The following WHRN variants were observed in gnomAD, a reference collection of about 807,000 sequenced individuals.
WHRN encodes the protein whirlin, also known as CASK-interacting protein CIP98.
Under a neutral mutation model 68.3 loss-of-function variants are expected in WHRN, and 41 were observed. The ratio of observed to expected loss-of-function variants is 0.60; its 90% CI spans 0.47 to 0.78. The LOEUF (loss-of-function observed/expected upper bound fraction) is 0.78. Ranked by LOEUF, WHRN falls within the 30% of genes least tolerant of loss-of-function variation. WHRN has a pLI of 0.00. For missense variants in WHRN, 1,243 were observed against 1,244.7 expected (o/e 1.00, Z 0.02); for synonymous variants, 560 against 561.3 (o/e 1.00, Z 0.03).
chr9:114,471,254 C>T (rs1444809613), intron 2 of WHRN, among the ~76,000 whole-genome samples: 1 of 152,192 alleles, frequency 6.6e-6, no homozygotes, highest in East Asian at 1.9e-4. Flanking sequence ...TGTACTGTTT[C>T]CTATGTCCCA....
At chr9:114,486,864 G>A (rs543030131) in intron 1 of WHRN, among the ~76,000 whole-genome samples, 11 of 118,452 alleles carry the variant, frequency 9.3e-5, no homozygotes, top group Non-Finnish European at 1.5e-4. Flanking sequence ...TATCTCACAG[G>A]GTAGTTCTGA....
intron 3 of WHRN, among the ~76,000 whole-genome samples, chr9:114,437,720 C>G (rs1837988823): frequency 6.6e-6 from 1 of 152,218 alleles, no homozygotes; most frequent in South Asian, 2.1e-4. Flanking sequence ...AACTGGCCAA[C>G]ACGTTGACCC....
At chr9:114,464,671 T>C (rs961086121) in intron 3 of WHRN, among the ~76,000 whole-genome samples, 2 of 152,290 alleles carry the variant, frequency 1.3e-5, no homozygotes, top group Admixed American at 6.5e-5. Flanking sequence ...CCCCATTTGA[T>C]CTTTGCAATA....
At chr9:114,439,348 A>G (rs1838168671) in intron 3 of WHRN, among the ~76,000 whole-genome samples, 1 of 152,258 alleles carries the variant, frequency 6.6e-6, no homozygotes, top group African/African-American at 2.4e-5. Context: ...CAAGTAACAG[A>G]CTGCTTTGAC....
intron 1 of WHRN, chr9:114,491,571 G>T: frequency 5.3e-6 from 1 of 188,212 alleles, no homozygotes; most frequent in East Asian, 1.1e-4. Flanking sequence ...CATGACCTGT[G>T]GTAACCAGCA....
chr9:114,454,203 TAA>T (rs1839578731), intron 3 of WHRN, among the ~76,000 whole-genome samples: 1 of 152,110 alleles, frequency 6.6e-6, no homozygotes, highest in Non-Finnish European at 1.5e-5. Context: ...AAGATAGAAA[TAA>T]GGCAAAATTT....
At position 114,443,981 on chromosome 9, in the gene WHRN, T is replaced by C. The variant is rs1292807254; in HGVS notation, c.964-17568A>G. On this transcript the variant is annotated intron_variant, in intron 3 of 11. Transcript: ENST00000362057. ...AAAGGGGAAACCCCTTATAAAATCA[T>C]GGGCACTCATGAGACTTACTACCAC... is the stretch of plus-strand genomic sequence containing the variant. Among the ~76,000 whole-genome samples, 3 of 152,184 alleles carry C rather than the reference T, an allele frequency of 2.0e-5. No homozygotes were observed. The East Asian group carries it at 5.8e-4, about 29-fold the overall frequency.
intron 2 of WHRN, among the ~76,000 whole-genome samples, chr9:114,470,308 A>T (rs1163156978): frequency 1.7e-4 from 26 of 152,178 alleles, no homozygotes; most frequent in Admixed American, 1.7e-3. Flanking sequence ...AAGAGGGAAG[A>T]TGCCATTCCA....
chr9:114,489,478 A>G (rs10982249), intron 1 of WHRN, among the ~76,000 whole-genome samples: 6 of 135,590 alleles, frequency 4.4e-5, no homozygotes, highest in East Asian at 2.1e-4. Flanking sequence ...ACACACACAC[A>G]CGCACACACA....
intron 7 of WHRN, among the ~76,000 whole-genome samples, chr9:114,415,464 G>A (rs893719035): frequency 1.3e-5 from 2 of 152,130 alleles, no homozygotes; most frequent in Non-Finnish European, 2.9e-5. Context: ...AACCTGCTCA[G>A]GGCCCTCAGA....
intron 7 of WHRN, among the ~76,000 whole-genome samples, chr9:114,410,265 G>T (rs2132238729): frequency 6.6e-6 from 1 of 152,234 alleles, no homozygotes; most frequent in East Asian, 1.9e-4. Flanking sequence ...CTCTCAATAG[G>T]ATATAAACTC....
At chr9:114,454,480 T>A (rs144691657) in intron 3 of WHRN, among the ~76,000 whole-genome samples, 2 of 152,176 alleles carry the variant, frequency 1.3e-5, no homozygotes, top group Non-Finnish European at 2.9e-5. Flanking sequence ...AACAGTACCA[T>A]TTATAATAGT....
chr9:114,425,141 G>A (rs765799599), intron 4 of WHRN, 117 bp from the exon 5 acceptor site: 1 of 1,045,824 alleles, frequency 9.6e-7, no homozygotes, highest in Admixed American at 1.7e-5. Flanking sequence ...CATGCATCGT[G>A]GCCTCCACTC....
chr9:114,406,909 C>G lies in WHRN; in HGVS notation c.1699-17G>C, dbSNP rs756569467. On this transcript the variant is annotated splice_polypyrimidine_tract_variant and intron_variant, in intron 8 of 11. Transcript: ENST00000362057. ...GACATCATCCTGCCAAAAGACCCAA[C>G]AGGCGGAGAAGGAGTCAGACCCCAT... 8 of 1,559,062 alleles carry G rather than the reference C, an allele frequency of 5.1e-6. No homozygotes were observed. In the South Asian group the frequency reaches 8.2e-5, roughly 16 times the overall value.
intron 1 of WHRN, among the ~76,000 whole-genome samples, chr9:114,496,084 C>A (rs990385415): frequency 6.6e-6 from 1 of 152,108 alleles, no homozygotes; most frequent in Admixed American, 6.5e-5. Context: ...TAACAAATCA[C>A]CAATTTCACC....
intron 7 of WHRN, among the ~76,000 whole-genome samples, chr9:114,415,067 C>T (rs769834084): frequency 3.3e-5 from 5 of 152,110 alleles, no homozygotes; most frequent in Admixed American, 2.6e-4. Context: ...GAGGCCAAGG[C>T]GGGAGGATCC....
In WHRN at chr9:114,458,188, C is replaced by A. The variant is rs1589180109; in HGVS notation, c.963+8079G>T. Among the ~76,000 whole-genome samples the A allele has an allele frequency of 3.9e-5, 6 of 152,230 alleles. No homozygotes were observed. In the East Asian group the frequency reaches 9.6e-4, roughly 24 times the overall value. Reference sequence around the variant, plus strand: ...GCTGCCAGCAGGTGTCATGTCCTTCCAGATCTCTTTTGGTCTGACCTACTG... The same window carrying A: ...GCTGCCAGCAGGTGTCATGTCCTTCAAGATCTCTTTTGGTCTGACCTACTG... On this transcript the variant is annotated intron_variant, in intron 3 of 11. Transcript: ENST00000362057.
rs538213688 is a variant in WHRN at position 114,466,778 on chromosome 9, C to T, written c.838-386G>A. Reference sequence around the variant, plus strand: ...AGTCGGGGGGTGACTGTTCGCGCCCCGGGGTCTCAATTAGGCTCCATCTGC... The same window carrying T: ...AGTCGGGGGGTGACTGTTCGCGCCCTGGGGTCTCAATTAGGCTCCATCTGC... On this transcript the variant is annotated intron_variant, in intron 2 of 11. Coordinates refer to ENST00000362057, the MANE Select transcript of WHRN (RefSeq NM_015404.4). Among the ~76,000 whole-genome samples, 653 of 152,218 alleles carry T rather than the reference C, an allele frequency of 4.3e-3. 2 individuals are homozygous for T. The highest frequency in any genetic ancestry group is 0.015 in the African/African-American group (612 of 41,512).
rs144655756 is a variant in WHRN at position 114,492,426 on chromosome 9, A to G, written c.618+11758T>C. On this transcript the variant is annotated intron_variant, in intron 1 of 11. Transcript: ENST00000362057. Reference sequence around the variant, plus strand: ...ATCATGTACCTCTTCACTACGATATATTATGCAATCATTAAAAAATCACAG... The same window carrying G: ...ATCATGTACCTCTTCACTACGATATGTTATGCAATCATTAAAAAATCACAG... Among the ~76,000 whole-genome samples, 960 of 152,370 alleles carry G rather than the reference A, an allele frequency of 6.3e-3. 6 individuals carry two copies. Among genetic ancestry groups the G allele is most frequent in the African/African-American group, 0.022 (911 of 41,582 alleles).
Sources: gnomAD v4.1 joint callset for allele counts (sites outside exome capture counted in the v4.1 genomes callset) on GRCh38, gnomAD v4.1.1 for gene constraint, MANE v1.5 for transcripts, NCBI Gene and HGNC (gene_info 2026-07-23, HGNC 2026-07-21) for gene names.